Variants in MAGI2 observed in about 807,000 individuals in gnomAD.
MAGI2 encodes the protein membrane associated guanylate kinase, WW and PDZ domain containing 2.
Under a neutral mutation model 133.3 loss-of-function variants are expected in MAGI2, and 35 were observed. That is an observed-to-expected ratio of 0.26 (90% confidence interval 0.20 to 0.35). The LOEUF is 0.35. Ranked by LOEUF, MAGI2 falls within the 10% of genes least tolerant of loss-of-function variation. The pLI, the probability that MAGI2 is intolerant of heterozygous loss-of-function variation, is 1.00. For missense variants in MAGI2, 1,636 were observed against 1,863.4 expected (o/e 0.88, Z 2.25); for synonymous variants, 729 against 710.6 (o/e 1.03, Z -0.41).
chr7:78,707,956 C>A (rs1183885804), intron 2 of MAGI2, among the ~76,000 whole-genome samples: 5 of 152,004 alleles, frequency 3.3e-5, no homozygotes, highest in Non-Finnish European at 7.4e-5. Flanking sequence ...CTCTTAAAAT[C>A]ATAACAGATA....
At chr7:78,166,324 T>C (rs149581634) in intron 15 of MAGI2, among the ~76,000 whole-genome samples, 70 of 152,346 alleles carry the variant, frequency 4.6e-4, no homozygotes, top group African/African-American at 1.7e-3. Context: ...AATTTATCTT[T>C]AGGTTATAGA....
chr7:79,449,898 A>ATATATATATATATATAT (rs1392951061), intron 1 of MAGI2, among the ~76,000 whole-genome samples: 8 of 141,080 alleles, frequency 5.7e-5, no homozygotes, highest in African/African-American at 1.6e-4. Context: ...ATATATATAT[A>ATATATATATATATATAT]ATGTCTTAAA....
intron 2 of MAGI2, among the ~76,000 whole-genome samples, chr7:78,704,944 C>G (rs1818481503): frequency 6.6e-6 from 1 of 151,810 alleles, no homozygotes; most frequent in East Asian, 1.9e-4. Flanking sequence ...TAAGGGGGAG[C>G]TAAACACTGA....
intron 2 of MAGI2, among the ~76,000 whole-genome samples, chr7:78,792,461 G>C (rs1265100279): frequency 2.6e-5 from 4 of 152,156 alleles, no homozygotes. Context: ...GATGATAAAA[G>C]AGGCAAGGAA....
chr7:78,488,560 T>C (rs925581520), intron 6 of MAGI2, among the ~76,000 whole-genome samples: 4 of 152,038 alleles, frequency 2.6e-5, no homozygotes, highest in Non-Finnish European at 1.5e-5. Context: ...TTCATTGGTG[T>C]CAATGAAATA....
intron 2 of MAGI2, among the ~76,000 whole-genome samples, chr7:78,813,179 G>A (rs916141239): frequency 6.6e-6 from 1 of 152,098 alleles, no homozygotes; most frequent in Non-Finnish European, 1.5e-5. Flanking sequence ...AAGTACAATA[G>A]GAAGGAACAC....
intron 1 of MAGI2, among the ~76,000 whole-genome samples, chr7:79,433,877 C>T (rs1847955749): frequency 6.6e-6 from 1 of 152,042 alleles, no homozygotes; most frequent in Non-Finnish European, 1.5e-5. Context: ...CGGGAAAAAA[C>T]ATATTCTTAA....
intron 1 of MAGI2, among the ~76,000 whole-genome samples, chr7:79,252,156 C>CAAAAAAAAAAA (rs1208897198): frequency 2.9e-5 from 3 of 102,598 alleles, no homozygotes; most frequent in Non-Finnish European, 1.8e-5. Context: ...GACCCTGTCT[C>CAAAAAAAAAAA]AAAAAAAAAA....
At chr7:78,495,657 A>G (rs1794022496) in intron 5 of MAGI2, among the ~76,000 whole-genome samples, 1 of 152,186 alleles carries the variant, frequency 6.6e-6, no homozygotes, top group African/African-American at 2.4e-5. Context: ...GCTACTGTCA[A>G]TGAGTTCTTT....
At chr7:79,126,775 A>G (rs1210228644) in intron 1 of MAGI2, among the ~76,000 whole-genome samples, 1 of 151,666 alleles carries the variant, frequency 6.6e-6, no homozygotes, top group East Asian at 1.9e-4. Flanking sequence ...CTTTTTTTTA[A>G]AAAATGTTTT....
chr7:78,735,616 T>G (rs1821772649), intron 2 of MAGI2, among the ~76,000 whole-genome samples: 1 of 152,204 alleles, frequency 6.6e-6, no homozygotes, highest in Admixed American at 6.5e-5. Flanking sequence ...GAACAAATCT[T>G]TGCAAAACAT....
At chr7:79,179,486 G>C (rs1398471577) in intron 1 of MAGI2, among the ~76,000 whole-genome samples, 1 of 151,908 alleles carries the variant, frequency 6.6e-6, no homozygotes, top group African/African-American at 2.4e-5. Context: ...TGAACAAAAA[G>C]AATAAAGTTG....
chr7:79,265,489 T>A (rs4236600), intron 1 of MAGI2, among the ~76,000 whole-genome samples: 33,395 of 152,088 alleles, frequency 0.22, 4,741 homozygotes, highest in African/African-American at 0.39. Context: ...TTTTCCTTTT[T>A]TTTGGTGTTG....
intron 1 of MAGI2, among the ~76,000 whole-genome samples, chr7:79,149,141 C>T (rs1025013681): frequency 2.2e-5 from 3 of 138,826 alleles, no homozygotes; most frequent in Admixed American, 7.5e-5. Flanking sequence ...TATATACTTC[C>T]TAAAATTATA....
chr7:79,023,912 A>G (rs559275460), intron 1 of MAGI2, among the ~76,000 whole-genome samples: 11 of 152,336 alleles, frequency 7.2e-5, no homozygotes, highest in Admixed American at 2.6e-4. Flanking sequence ...CATACTGCCC[A>G]AAGCAATTTA....
At chr7:78,650,193 G>C (rs1461428662) in intron 2 of MAGI2, among the ~76,000 whole-genome samples, 1 of 152,192 alleles carries the variant, frequency 6.6e-6, no homozygotes, top group African/African-American at 2.4e-5. Flanking sequence ...GATACTACAT[G>C]AGAGATCCTG....
intron 1 of MAGI2, among the ~76,000 whole-genome samples, chr7:79,070,446 C>A (rs981605397): frequency 7.9e-5 from 12 of 151,154 alleles, no homozygotes; most frequent in Admixed American, 7.9e-4. Context: ...GTTGTGTTTT[C>A]AGCTCCATCA....
intron 1 of MAGI2, among the ~76,000 whole-genome samples, chr7:79,418,249 A>C (rs1425221382): frequency 2.0e-5 from 3 of 152,076 alleles, no homozygotes; most frequent in Admixed American, 2.0e-4. Flanking sequence ...AGATAATAAG[A>C]TATTAAGGGA....
intron 2 of MAGI2, among the ~76,000 whole-genome samples, chr7:78,960,833 A>G (rs2115769976): frequency 6.6e-6 from 1 of 152,258 alleles, no homozygotes; most frequent in Non-Finnish European, 1.5e-5. Context: ...GAATCTAAGT[A>G]CTTTCAGGAT....
Sources: allele counts gnomAD v4.1 joint callset (sites outside exome capture counted in the v4.1 genomes callset), GRCh38; gene constraint gnomAD v4.1.1; transcripts MANE v1.5; gene names NCBI Gene and HGNC (gene_info 2026-07-23, HGNC 2026-07-21).